Variants in PTCD2 observed in about 807,000 individuals in gnomAD.
PTCD2 encodes the protein pentatricopeptide repeat domain 2.
In PTCD2, 31 loss-of-function variants were observed where a neutral mutation model predicts 42.6. That is an observed-to-expected ratio of 0.73 (90% CI 0.55 to 0.98). PTCD2 has a LOEUF of 0.98. Ranked by LOEUF, PTCD2 falls within the 50% of genes least tolerant of loss-of-function variation. The pLI is 0.00. For missense variants in PTCD2, 476 were observed against 454.8 expected (o/e 1.05, Z -0.42); for synonymous variants, 183 against 170.9 (o/e 1.07, Z -0.55).
intron 7 of PTCD2, among the ~76,000 whole-genome samples, chr5:72,341,548 C>A (rs1040408120): frequency 6.6e-6 from 1 of 151,804 alleles, no homozygotes; most frequent in Non-Finnish European, 1.5e-5. Flanking sequence ...GCCAAGACAA[C>A]ATAGGGAGAC....
At chr5:72,352,612 G>A in intron 8 of PTCD2, 29 bp from the exon 9 acceptor site, 2 of 1,117,858 alleles carry the variant, frequency 1.8e-6, no homozygotes, top group Non-Finnish European at 2.7e-6. Flanking sequence ...ACTCAGTCTT[G>A]GTTTTGCTTG....
intron 3 of PTCD2, among the ~76,000 whole-genome samples, chr5:72,330,019 G>A (rs1321248242): frequency 3.3e-5 from 5 of 149,928 alleles, no homozygotes; most frequent in South Asian, 2.1e-4. Flanking sequence ...TGCAAGCTCC[G>A]CCTCCTGGGT....
intron 8 of PTCD2, among the ~76,000 whole-genome samples, chr5:72,344,112 C>T (rs62364785): frequency 0.017 from 2,581 of 152,250 alleles, 30 homozygotes; most frequent in Middle Eastern, 0.058. Context: ...AGGGCGGGAA[C>T]CTACTGAGCA....
At chr5:72,352,339 G>T (rs1457719653) in intron 8 of PTCD2, among the ~76,000 whole-genome samples, 2 of 152,066 alleles carry the variant, frequency 1.3e-5, no homozygotes, top group Non-Finnish European at 2.9e-5. Flanking sequence ...GTAGAGATGG[G>T]GTTTCACCAT....
In PTCD2 at chr5:72,366,915, C is replaced by G. The variant is rs1194053106; in HGVS notation, c.*8488C>G. The G allele has an allele frequency of 6.6e-6, 1 of 152,232 alleles. No individual in the cohort carries two copies. Among genetic ancestry groups the G allele is most frequent in the Non-Finnish European group, 1.5e-5 (1 of 68,034 alleles). The allele number at this position is 152,232 out of a possible 1,614,324, so 9.4% of individuals were successfully genotyped here. ...TGAAAGAAAAAGGATGGTCATTTGTCTCACTTGGGAAAGGGTTTCCTCCCA... is the reference window on the plus strand; with the variant it reads ...TGAAAGAAAAAGGATGGTCATTTGTGTCACTTGGGAAAGGGTTTCCTCCCA... On this transcript the variant is annotated 3_prime_UTR_variant, in exon 10 of 10. Coordinates refer to ENST00000380639, the MANE Select transcript of PTCD2 (RefSeq NM_024754.5).
At chr5:72,347,195 C>T (rs1219950470) in intron 8 of PTCD2, among the ~76,000 whole-genome samples, 1 of 152,186 alleles carries the variant, frequency 6.6e-6, no homozygotes, top group Non-Finnish European at 1.5e-5. Flanking sequence ...CCTAGGGTTT[C>T]CCCGCCACTC....
chr5:72,358,496 C>A lies in PTCD2; in HGVS notation c.*69C>A. 8.8e-7 allele frequency: 1 copy of A among 1,133,718 alleles called. No homozygotes were observed. Among genetic ancestry groups the A allele is most frequent in the Non-Finnish European group, 1.3e-6 (1 of 768,124 alleles). 70.2% of individuals were successfully genotyped at this position (1,133,718 alleles called of 1,614,324 possible). On this transcript the variant is annotated 3_prime_UTR_variant, in exon 10 of 10. Coordinates refer to ENST00000380639, the MANE Select transcript of PTCD2 (RefSeq NM_024754.5). ...GTGAGTTATTACCTTTCCTAAGAAG[C>A]CAGGTATCGCACTTCAGCAGACAGT...
intron 3 of PTCD2, among the ~76,000 whole-genome samples, chr5:72,329,943 T>TTA (rs1751351978): frequency 6.6e-6 from 1 of 151,690 alleles, no homozygotes; most frequent in South Asian, 2.1e-4. Context: ...CTTCTTTTTT[T>TTA]TTTTTTTGAG....
intron 8 of PTCD2, among the ~76,000 whole-genome samples, chr5:72,344,630 G>A (rs1384864684): frequency 1.3e-5 from 2 of 152,040 alleles, no homozygotes; most frequent in Non-Finnish European, 2.9e-5. Context: ...ATAGTTATTG[G>A]GGGAACCTGC....
At chr5:72,324,233 G>A (rs974472390) in intron 2 of PTCD2, among the ~76,000 whole-genome samples, 1 of 152,176 alleles carries the variant, frequency 6.6e-6, no homozygotes, top group Non-Finnish European at 1.5e-5. Context: ...TTGTGTACAT[G>A]TTCTGAAAGG....
intron 7 of PTCD2, 22 bp from the exon 8 acceptor site, chr5:72,342,940 G>A: frequency 6.7e-7 from 1 of 1,485,984 alleles, no homozygotes; most frequent in Non-Finnish European, 9.3e-7. Context: ...TATGGAATAT[G>A]ATTTGTTTCT....
rs187545641 is a variant in PTCD2, at chr5:72,340,848, T to G, written c.753+2113T>G. Among the ~76,000 whole-genome samples the G allele has an allele frequency of 4.6e-5, 7 of 152,198 alleles. No individual in the cohort carries two copies. In the East Asian group the frequency reaches 5.8e-4, roughly 13 times the overall value. On this transcript the variant is annotated intron_variant, in intron 7 of 9. Transcript: ENST00000380639. ...AATGTGGAGAAATCTAACGCCTGCC[T>G]GATTTTTTTCCACTTGATTGACGTG... is the stretch of plus-strand genomic sequence containing the variant.
chr5:72,326,466 C>T lies in PTCD2; in HGVS notation c.221-146C>T, dbSNP rs1011868650. The T allele has an allele frequency of 3.9e-6, 3 of 768,126 alleles. No individual in the cohort carries two copies. The African/African-American group carries it at 5.2e-5, about 13-fold the overall frequency. The allele number at this position is 768,126 out of a possible 1,614,324, so 47.6% of individuals were successfully genotyped here. On this transcript the variant is annotated intron_variant, in intron 2 of 9. Transcript: ENST00000380639. ...CTGATGCTGTTCTAGAGGAGATTGGCCAGTGATGGCAGCTGTGTGTTTCTG... is the reference window on the plus strand; with the variant it reads ...CTGATGCTGTTCTAGAGGAGATTGGTCAGTGATGGCAGCTGTGTGTTTCTG...
At chr5:72,326,866 G>A (rs373146949) in intron 3 of PTCD2, 125 bp downstream of exon 3, 6 of 923,908 alleles carry the variant, frequency 6.5e-6, no homozygotes, top group Non-Finnish European at 8.2e-6. Context: ...TCTCTTGTTC[G>A]GATGCCTACC....
At chr5:72,326,526 G>GT in intron 2 of PTCD2, 86 bp from the exon 3 acceptor site, 1 of 1,476,532 alleles carries the variant, frequency 6.8e-7, no homozygotes, top group Non-Finnish European at 9.3e-7. Context: ...GTGAGCCGGG[G>GT]TTGGGCTTCC....
intron 6 of PTCD2, among the ~76,000 whole-genome samples, chr5:72,337,837 G>A (rs994518851): frequency 6.6e-6 from 1 of 152,094 alleles, no homozygotes; most frequent in Non-Finnish European, 1.5e-5. Context: ...AAAGGCCAGA[G>A]GACTTTTCTC....
At chr5:72,345,761 A>G (rs1222984219) in intron 8 of PTCD2, among the ~76,000 whole-genome samples, 2 of 152,230 alleles carry the variant, frequency 1.3e-5, no homozygotes, top group African/African-American at 4.8e-5. Flanking sequence ...TGCATATAAA[A>G]TAGTTAGCAT....
chr5:72,335,245 C>T (rs967931130), intron 5 of PTCD2, 149 bp downstream of exon 5: 19 of 501,706 alleles, frequency 3.8e-5, no homozygotes, highest in South Asian at 6.5e-5. Flanking sequence ...GTCAGGAGAT[C>T]GAGACCATCC....
In PTCD2 at chr5:72,364,013, C is replaced by A. The variant is rs1197137329; in HGVS notation, c.*5586C>A. On this transcript the variant is annotated 3_prime_UTR_variant, in exon 10 of 10. Transcript: ENST00000380639. ...GATATGCATAAGAAACCGTGAGGAA[C>A]CAAATCATGGTAAAATTGATTCTAA... The A allele has an allele frequency of 6.6e-6, 1 of 152,072 alleles. No homozygotes were observed. 9.4% of individuals were successfully genotyped at this position (152,072 alleles called of 1,614,324 possible). A position where few individuals can be genotyped will look rare whatever the true frequency, so the allele number is the denominator to read the frequency against.
Sources: allele counts gnomAD v4.1 joint callset (sites outside exome capture counted in the v4.1 genomes callset), GRCh38; gene constraint gnomAD v4.1.1; transcripts MANE v1.5; gene names NCBI Gene and HGNC (gene_info 2026-07-23, HGNC 2026-07-21).